The following NEURL1B variants were observed in gnomAD, a reference collection of about 807,000 sequenced individuals.
The protein encoded by NEURL1B is E3 ubiquitin-protein ligase NEURL1B.
NEURL1B carries 13 observed loss-of-function variants against 37.4 expected under a neutral mutation model. The ratio of observed to expected loss-of-function variants is 0.35; its 90% CI spans 0.23 to 0.55. NEURL1B has a LOEUF of 0.55. Ranked by LOEUF, NEURL1B falls within the 20% of genes least tolerant of loss-of-function variation. The probability of loss-of-function intolerance (pLI) is 0.89; values close to 1 mark genes in which losing one functional copy is unlikely to be tolerated. For synonymous variants in NEURL1B, 432 were observed against 426.6 expected (o/e 1.01, Z -0.16); for missense variants, 790 against 879.2 (o/e 0.90, Z 1.28).
In NEURL1B at chr5:172,641,379, C is replaced by T. The variant is rs964619448; in HGVS notation, c.-28C>T. On this transcript the variant is annotated 5_prime_UTR_variant, in exon 1 of 5. Transcript: ENST00000369800. This position sits in a 1 kb window ranked among gnomAD's most constrained non-coding sequence, Gnocchi z 6.4. The stretch of plus-strand genomic sequence containing the variant: ...TAGCCTCCGCGCGCCCAGAGCGCGC[C>T]GCCGCCAACGCCGCGCCCGACGCAG... 2.1e-5 allele frequency: 29 copies of T among 1,384,798 alleles called. No homozygotes were observed. The highest frequency in any genetic ancestry group is 2.7e-5 in the Non-Finnish European group (29 of 1,069,600). 85.8% of individuals were successfully genotyped at this position (1,384,798 alleles called of 1,614,324 possible). A position where few individuals can be genotyped will look rare whatever the true frequency, so the allele number is the denominator to read the frequency against.
chr5:172,670,391 G>A (rs1021385966), intron 2 of NEURL1B, 61 bp downstream of exon 2: 5 of 1,265,162 alleles, frequency 4.0e-6, no homozygotes, highest in Non-Finnish European at 5.1e-6. Context: ...GCGTGGGTGT[G>A]TGTTTCATTA....
Position 172,683,959 on chromosome 5 carries a change from G to A in NEURL1B, c.1118G>A (p.Arg373His). 3 of 1,330,442 alleles carry A rather than the reference G, an allele frequency of 2.3e-6. No individual in the cohort carries two copies. Among genetic ancestry groups the A allele is most frequent in the Non-Finnish European group, 2.9e-6 (3 of 1,036,794 alleles). The allele number at this position is 1,330,442 out of a possible 1,614,324, so 82.4% of individuals were successfully genotyped here. ...CGCAAAGAGTACTGGGTGGTGGCGC[G>A]CGCCGGGCCCGTGCCGAGCGGCGGC... Reference protein sequence around the residue: ...LDRKEYWVVARAGPVPSGGDA... With the variant: ...LDRKEYWVVAHAGPVPSGGDA... Residue 373 changes from arginine to histidine, a missense_variant, in exon 3 of 5, where the codon CGC (arginine) becomes CAC (histidine). Physicochemically the swap from Arg to His is conservative, Grantham distance 29. Transcript: ENST00000369800. This position sits in a 1 kb window ranked among gnomAD's most constrained non-coding sequence, Gnocchi z 5.6.
At chr5:172,671,502 A>G (rs1355835872) in intron 2 of NEURL1B, among the ~76,000 whole-genome samples, 1 of 152,116 alleles carries the variant, frequency 6.6e-6, no homozygotes, top group Non-Finnish European at 1.5e-5. Flanking sequence ...CTGATTTTTC[A>G]CCATAGGTTA....
chr5:172,641,497 G>T lies in NEURL1B; in HGVS notation c.31+60G>T. The T allele has an allele frequency of 8.1e-7, 1 of 1,234,196 alleles. No individual in the cohort carries two copies. The highest frequency in any genetic ancestry group is 1.0e-6 in the Non-Finnish European group (1 of 982,504). 76.5% of individuals were successfully genotyped at this position (1,234,196 alleles called of 1,614,324 possible). A position where few individuals can be genotyped will look rare whatever the true frequency, so the allele number is the denominator to read the frequency against. On this transcript the variant is annotated intron_variant, in intron 1 of 4. Transcript: ENST00000369800. This position sits in a 1 kb window ranked among gnomAD's most constrained non-coding sequence, Gnocchi z 6.4. ...CGGGCTTCTCTCCTCCGGGGGACCC[G>T]CTGGGTGACTCTGGAGAGCTACCCC...
chr5:172,657,595 G>T lies in NEURL1B; in HGVS notation c.32-12190G>T, dbSNP rs1757819454. ...GGAGAAGTGACCTAGAAGGCAAGAG[G>T]TGAGTCTTCTGTCACGCCCGCATAA... On this transcript the variant is annotated intron_variant, in intron 1 of 4. Transcript: ENST00000369800. This position sits in a 1 kb window ranked among gnomAD's most constrained non-coding sequence, Gnocchi z 4.0. 1.3e-5 allele frequency among the ~76,000 whole-genome samples: 2 copies of T among 152,166 alleles called. No individual in the cohort carries two copies. Among genetic ancestry groups the T allele is most frequent in the African/African-American group, 4.8e-5 (2 of 41,422 alleles).
In NEURL1B at chr5:172,668,179, C is replaced by T. The variant is rs941308313; in HGVS notation, c.32-1606C>T. 2.0e-5 allele frequency among the ~76,000 whole-genome samples: 3 copies of T among 152,120 alleles called. No homozygotes were observed. In the East Asian group the frequency reaches 5.8e-4, roughly 30 times the overall value. On this transcript the variant is annotated intron_variant, in intron 1 of 4. Coordinates refer to ENST00000369800, the MANE Select transcript of NEURL1B (RefSeq NM_001142651.3). Reference sequence around the variant, plus strand: ...CATTGTCTGACTTTGCCCACTGGAACGTCAGCTCCATCAGAGCAACAGCCT... The same window carrying T: ...CATTGTCTGACTTTGCCCACTGGAATGTCAGCTCCATCAGAGCAACAGCCT...
chr5:172,683,953 T>C lies in NEURL1B; in HGVS notation c.1112T>C (p.Val371Ala), dbSNP rs1178966034. 3.7e-6 allele frequency: 5 copies of C among 1,351,504 alleles called. No homozygotes were observed. Among genetic ancestry groups the C allele is most frequent in the East Asian group, 3.4e-5 (1 of 29,632 alleles). The allele number at this position is 1,351,504 out of a possible 1,614,324, so 83.7% of individuals were successfully genotyped here. ...ALLDRKEYWV[V>A]ARAGPVPSGG... is the part of the protein sequence containing the mutation. ...CTCGACCGCAAAGAGTACTGGGTGG[T>C]GGCGCGCGCCGGGCCCGTGCCGAGC... Residue 371 changes from valine to alanine, a missense_variant, in exon 3 of 5, where the codon GTG becomes GCG. Physicochemically the swap from Val to Ala is moderately conservative, Grantham distance 64. Coordinates refer to ENST00000369800, the MANE Select transcript of NEURL1B (RefSeq NM_001142651.3). The surrounding 1 kb of genome is among the most constrained non-coding windows in gnomAD (Gnocchi z 5.6).
rs574553140 is a variant in NEURL1B at position 172,665,692 on chromosome 5, C to T, written c.32-4093C>T. ...CACACCTACCGTATCACTTTACCCT[C>T]CCCCCAAATTCCAGCCTCCCCCTGC... On this transcript the variant is annotated intron_variant, in intron 1 of 4. Transcript: ENST00000369800. This position sits in a 1 kb window ranked among gnomAD's most constrained non-coding sequence, Gnocchi z 4.1. Among the ~76,000 whole-genome samples the T allele has an allele frequency of 6.6e-6, 1 of 151,888 alleles. No homozygotes were observed. The highest frequency in any genetic ancestry group is 2.1e-4 in the South Asian group (1 of 4,794).
At chr5:172,660,030 T>C (rs1447773700) in intron 1 of NEURL1B, among the ~76,000 whole-genome samples, 1 of 152,148 alleles carries the variant, frequency 6.6e-6, no homozygotes, top group African/African-American at 2.4e-5. Context: ...GACTTGTCAG[T>C]GCATGTACCC....
chr5:172,688,429 G>GGGAAGGAGGGAGA lies in NEURL1B; in HGVS notation c.*1511_*1523dup, dbSNP rs1758558480. 1.3e-5 allele frequency: 2 copies of GGGAAGGAGGGAGA among 152,644 alleles called. No individual in the cohort carries two copies. Among genetic ancestry groups the GGGAAGGAGGGAGA allele is most frequent in the African/African-American group, 4.8e-5 (2 of 41,466 alleles). The allele number at this position is 152,644 out of a possible 1,614,324, so 9.5% of individuals were successfully genotyped here. On this transcript the variant is annotated 3_prime_UTR_variant, in exon 5 of 5. Transcript: ENST00000369800. This position sits in a 1 kb window ranked among gnomAD's most constrained non-coding sequence, Gnocchi z 4.3. ...AATCTGTTCATGTCCTGCTGAAGGA[G>GGGAAGGAGGGAGA]GGAAGGAGGGAGAGGAAGGCAGGGG...
rs1289530734 is a variant in NEURL1B at position 172,689,172 on chromosome 5, G to A, written c.*2247G>A. On this transcript the variant is annotated 3_prime_UTR_variant, in exon 5 of 5. Coordinates refer to ENST00000369800, the MANE Select transcript of NEURL1B (RefSeq NM_001142651.3). ...CTATAAATAGCCTCCCTGTTTCCAA[G>A]AGGAGGTAAGGAAGTGTTTATCTTC... 6.6e-6 allele frequency: 1 copy of A among 152,246 alleles called. No homozygotes were observed. Among genetic ancestry groups the A allele is most frequent in the East Asian group, 1.9e-4 (1 of 5,196 alleles). The allele number at this position is 152,246 out of a possible 1,614,324, so 9.4% of individuals were successfully genotyped here.
chr5:172,683,114 G>A lies in NEURL1B; in HGVS notation c.578-305G>A, dbSNP rs1161519836. On this transcript the variant is annotated intron_variant, in intron 2 of 4. Transcript: ENST00000369800. This position sits in a 1 kb window ranked among gnomAD's most constrained non-coding sequence, Gnocchi z 5.6. ...AAGAGGGAGAGAAGGGGAAAGGGTG[G>A]AGAGAAAAGGAGGGATGGAAGAAGA... Among the ~76,000 whole-genome samples, 2 of 152,122 alleles carry A rather than the reference G, an allele frequency of 1.3e-5. No homozygotes were observed. The highest frequency in any genetic ancestry group is 4.8e-5 in the African/African-American group (2 of 41,414).
chr5:172,685,442 G>A (rs1758474224), intron 3 of NEURL1B, among the ~76,000 whole-genome samples: 1 of 152,204 alleles, frequency 6.6e-6, no homozygotes, highest in African/African-American at 2.4e-5. Flanking sequence ...GGCAAGGGAA[G>A]GGGCATCTTT....
At position 172,687,201 on chromosome 5, in the gene NEURL1B, A is replaced by G. The variant is rs1758521573; in HGVS notation, c.*276A>G. On this transcript the variant is annotated 3_prime_UTR_variant, in exon 5 of 5. Transcript: ENST00000369800. The stretch of plus-strand genomic sequence containing the variant: ...GTCCCTTGGTGACCTTTCAACTGGG[A>G]AACAGCGTCCTCTGTCTGTGCAATG... The G allele has an allele frequency of 2.6e-6, 1 of 383,840 alleles. No homozygotes were observed. The highest frequency in any genetic ancestry group is 4.9e-6 in the Non-Finnish European group (1 of 205,520). 23.8% of individuals were successfully genotyped at this position (383,840 alleles called of 1,614,324 possible). A position where few individuals can be genotyped will look rare whatever the true frequency, so the allele number is the denominator to read the frequency against.
chr5:172,650,924 G>A (rs563175749), intron 1 of NEURL1B, among the ~76,000 whole-genome samples: 25 of 152,312 alleles, frequency 1.6e-4, no homozygotes, highest in Admixed American at 1.6e-3. Context: ...TAATCGGAAT[G>A]AGTTAGGGTG....
Position 172,683,759 on chromosome 5 carries a change from C to A in NEURL1B, c.918C>A (p.Gly306=). 1 of 1,308,838 alleles carries A rather than the reference C, an allele frequency of 7.6e-7. No homozygotes were observed. The highest frequency in any genetic ancestry group is 9.8e-7 in the Non-Finnish European group (1 of 1,023,922). 81.1% of individuals were successfully genotyped at this position (1,308,838 alleles called of 1,614,324 possible). Residue 306 remains glycine (G), a synonymous_variant, in exon 3 of 5, where the codon GGC becomes GGA. Transcript: ENST00000369800. This position sits in a 1 kb window ranked among gnomAD's most constrained non-coding sequence, Gnocchi z 5.6. ...RKVACAPRPD[G]GRTLVFSERP... is the part of the protein sequence containing the mutation. ...TGGCCTGCGCACCGCGGCCCGACGG[C>A]GGCCGCACGCTGGTCTTCTCCGAGC...
At chr5:172,674,906 G>A (rs1758202127) in intron 2 of NEURL1B, among the ~76,000 whole-genome samples, 2 of 152,118 alleles carry the variant, frequency 1.3e-5, no homozygotes, top group African/African-American at 4.8e-5. Flanking sequence ...GTCTCGTTCT[G>A]TTGCCCAGGC....
At chr5:172,685,343 T>C (rs1021965991) in intron 3 of NEURL1B, among the ~76,000 whole-genome samples, 1 of 152,146 alleles carries the variant, frequency 6.6e-6, no homozygotes, top group African/African-American at 2.4e-5. Context: ...GAAGTTGTGT[T>C]GTTTTGTGTT....
chr5:172,664,106 T>A (rs897175686), intron 1 of NEURL1B, among the ~76,000 whole-genome samples: 1 of 152,276 alleles, frequency 6.6e-6, no homozygotes, highest in Middle Eastern at 3.4e-3. Flanking sequence ...CACAAAATTG[T>A]CTGTGCACTC....
Sources: gnomAD v4.1 joint callset for allele counts (sites outside exome capture counted in the v4.1 genomes callset) on GRCh38, gnomAD v4.1.1 for gene constraint, Gnocchi (gnomAD v3.1) non-coding constraint, MANE v1.5 for transcripts, NCBI Gene and HGNC (gene_info 2026-07-23, HGNC 2026-07-21) for gene names.